Variants in ARSG observed in about 807,000 individuals in gnomAD.
The protein encoded by ARSG is ASG.
ARSG carries 37 observed loss-of-function variants against 50.5 expected under a neutral mutation model. The observed-to-expected ratio is 0.73, with a 90% confidence interval of 0.56 to 0.96. The LOEUF (loss-of-function observed/expected upper bound fraction) is 0.96, where lower values mean the gene tolerates loss of function less well. Among genes scored for constraint, ARSG ranks in the 50% least tolerant of loss-of-function variants. The pLI, the probability that ARSG is intolerant of heterozygous loss-of-function variation, is 0.00. For missense variants in ARSG, 629 were observed against 675.3 expected (o/e 0.93, Z 0.76); for synonymous variants, 225 against 254.6 (o/e 0.88, Z 1.11).
chr17:68,408,577 A>G (rs1490020974), intron 11 of ARSG, among the ~76,000 whole-genome samples: 1 of 152,108 alleles, frequency 6.6e-6, no homozygotes, highest in Admixed American at 6.5e-5. Flanking sequence ...TAATGCTGCA[A>G]TAAACATACG....
chr17:68,406,832 T>C (rs746502588), intron 11 of ARSG, among the ~76,000 whole-genome samples: 6 of 152,248 alleles, frequency 3.9e-5, no homozygotes, highest in Non-Finnish European at 7.3e-5. Context: ...CTGTTTACTC[T>C]GCTGACTGTT....
chr17:68,277,963 C>A, intron 1 of ARSG: 1 of 649,420 alleles, frequency 1.5e-6, no homozygotes, highest in African/African-American at 1.8e-5. Flanking sequence ...TTAGTCAGGG[C>A]TAGGAAGGAC....
the ARSG span, among the ~76,000 whole-genome samples, chr17:68,451,495 C>T: frequency 3.9e-5 from 6 of 152,186 alleles, no homozygotes; most frequent in South Asian, 1.0e-3. Context: ...AGACAGCTGC[C>T]TCTGATGCTG....
chr17:68,336,717 G>A (rs1327371072), intron 2 of ARSG, among the ~76,000 whole-genome samples: 1 of 152,084 alleles, frequency 6.6e-6, no homozygotes, highest in Non-Finnish European at 1.5e-5. Flanking sequence ...GCTGAGCATG[G>A]TGGCGTGCAT....
intron 2 of ARSG, among the ~76,000 whole-genome samples, chr17:68,313,681 C>CTTTTTTTT (rs10660116): frequency 5.7e-5 from 7 of 123,390 alleles, no homozygotes; most frequent in Non-Finnish European, 8.4e-5. Flanking sequence ...CTCTCTCTCT[C>CTTTTTTTT]TCTTTTTTTT....
rs902211273 is a variant in ARSG, at chr17:68,420,552, C to T, written c.*89C>T. 14 of 1,427,366 alleles carry T rather than the reference C, an allele frequency of 9.8e-6. No individual in the cohort carries two copies. Among genetic ancestry groups the T allele is most frequent in the South Asian group, 3.8e-5 (3 of 78,570 alleles). The allele number at this position is 1,427,366 out of a possible 1,614,324, so 88.4% of individuals were successfully genotyped here. A position where few individuals can be genotyped will look rare whatever the true frequency, so the allele number is the denominator to read the frequency against. ...CATTTTTACCCTCTTTACAAACACA[C>T]GCTTTAGTTTAGTCTTGGAGTTTAG... On this transcript the variant is annotated 3_prime_UTR_variant, in exon 12 of 12. Transcript: ENST00000621439.
At chr17:68,435,349 T>C in the ARSG span, among the ~76,000 whole-genome samples, 1 of 152,372 alleles carries the variant, frequency 6.6e-6, no homozygotes, top group East Asian at 1.9e-4. Context: ...TCTCTACGGC[T>C]GATGTACACG....
chr17:68,286,773 G>A (rs111384234), upstream of ARSG, among the ~76,000 whole-genome samples: 2,344 of 151,438 alleles, frequency 0.015, 57 homozygotes, highest in African/African-American at 0.054. Flanking sequence ...CCAAAGTGTG[G>A]GATTACAGGT....
chr17:68,371,563 A>G (rs1384349147), intron 8 of ARSG, among the ~76,000 whole-genome samples: 2 of 152,186 alleles, frequency 1.3e-5, no homozygotes, highest in Non-Finnish European at 2.9e-5. Context: ...GACTGCAGCC[A>G]TGTTGGGGAC....
chr17:68,332,433 C>T lies in ARSG; in HGVS notation c.219-11171C>T, dbSNP rs140118234. On this transcript the variant is annotated intron_variant, in intron 2 of 11. Transcript: ENST00000621439. ...ATGCAATCATCACAGGGTCCTGAGGCGACATTCATCCTCAGCTTACAAAGA... is the reference window on the plus strand; with the variant it reads ...ATGCAATCATCACAGGGTCCTGAGGTGACATTCATCCTCAGCTTACAAAGA... 8.4e-3 allele frequency among the ~76,000 whole-genome samples: 1,275 copies of T among 152,016 alleles called. 17 individuals carry two copies. The highest frequency in any genetic ancestry group is 0.029 in the African/African-American group (1,188 of 41,442).
At chr17:68,269,873 A>G (rs1291176718) in intron 1 of ARSG, among the ~76,000 whole-genome samples, 1 of 151,784 alleles carries the variant, frequency 6.6e-6, no homozygotes, top group Non-Finnish European at 1.5e-5. Context: ...GGGTTTTGCC[A>G]TGTTGGCCAG....
intron 6 of ARSG, among the ~76,000 whole-genome samples, chr17:68,357,046 G>A (rs948105439): frequency 3.2e-4 from 48 of 152,290 alleles, no homozygotes; most frequent in African/African-American, 1.2e-3. Context: ...TCCCTCTGTT[G>A]CTTTGATCAC....
intron 1 of ARSG, among the ~76,000 whole-genome samples, chr17:68,276,234 C>T (rs565326707): frequency 6.6e-6 from 1 of 151,950 alleles, no homozygotes; most frequent in African/African-American, 2.4e-5. Context: ...GCTGGGATTA[C>T]AGGTGCCCAC....
intron 2 of ARSG, among the ~76,000 whole-genome samples, chr17:68,322,270 C>G (rs2077314861): frequency 6.6e-6 from 1 of 152,204 alleles, no homozygotes; most frequent in Admixed American, 6.5e-5. Flanking sequence ...AGTTGCAACT[C>G]TAAGCCCCAT....
intron 2 of ARSG, among the ~76,000 whole-genome samples, chr17:68,333,013 A>G (rs1043660888): frequency 6.6e-6 from 1 of 152,236 alleles, no homozygotes; most frequent in African/African-American, 2.4e-5. Context: ...AATGTCAGCT[A>G]TAAGAGTAAT....
At chr17:68,405,130 CTTTT>C (rs58178643) in intron 11 of ARSG, among the ~76,000 whole-genome samples, 2 of 93,026 alleles carry the variant, frequency 2.1e-5, no homozygotes, top group African/African-American at 8.4e-5. Context: ...CAGCTTTGGG[CTTTT>C]TTTTTTTTTT....
intron 11 of ARSG, 31 bp downstream of exon 11, chr17:68,401,481 C>A (rs1350212871): frequency 6.2e-7 from 1 of 1,601,418 alleles, no homozygotes; most frequent in Non-Finnish European, 8.6e-7. Context: ...CCCTGCCTCC[C>A]ACAGTCACAG....
intron 1 of ARSG, among the ~76,000 whole-genome samples, chr17:68,282,798 A>AAAAAAAAAAAAAAAC: frequency 6.7e-6 from 1 of 148,828 alleles, no homozygotes; most frequent in East Asian, 2.0e-4. Flanking sequence ...AAAAAAAAAA[A>AAAAAAAAAAAAAAAC]AAGGCCAGGT....
chr17:68,321,036 G>T (rs1163665518), intron 2 of ARSG, among the ~76,000 whole-genome samples: 1 of 152,096 alleles, frequency 6.6e-6, no homozygotes, highest in African/African-American at 2.4e-5. Context: ...ATGTGGTGAC[G>T]TGCGGTGGCT....
Sources: gnomAD v4.1 joint callset for allele counts (sites outside exome capture counted in the v4.1 genomes callset) on GRCh38, gnomAD v4.1.1 for gene constraint, MANE v1.5 for transcripts, NCBI Gene and HGNC (gene_info 2026-07-23, HGNC 2026-07-21) for gene names.